TMEM178A: variants seen among roughly 807,000 people sequenced by gnomAD.
The protein encoded by TMEM178A is transmembrane protein 178.
A neutral mutation model predicts 29.1 loss-of-function variants in TMEM178A; 12 were observed. The ratio of observed to expected loss-of-function variants is 0.41; its 90% confidence interval spans 0.26 to 0.67. The LOEUF is 0.67. Ranked by LOEUF, TMEM178A falls within the 30% of genes least tolerant of loss-of-function variation. The probability of loss-of-function intolerance (pLI) is 0.29; values close to 1 mark genes in which losing one functional copy is unlikely to be tolerated. For synonymous variants in TMEM178A, 210 were observed against 187.2 expected, an observed-to-expected ratio of 1.12 and a Z score of -0.99; for missense variants, 366 against 419.1, an observed-to-expected ratio of 0.87 and a Z score of 1.11.
chr2:39,694,748 T>C lies in TMEM178A; in HGVS notation c.401-9333T>C, dbSNP rs1248073901. Among the ~76,000 whole-genome samples, 4 of 152,358 alleles carry C rather than the reference T, an allele frequency of 2.6e-5. No individual in the cohort carries two copies. The East Asian group carries it at 7.7e-4, about 29-fold the overall frequency. ...CAACTTTCAAAGTATTGATTGCATG[T>C]TAAATTTAAAAATACTAAAATTAAT... On this transcript the variant is annotated intron_variant, in intron 1 of 3. Transcript: ENST00000281961.
intron 2 of TMEM178A, among the ~76,000 whole-genome samples, chr2:39,706,220 T>G (rs924054599): frequency 4.6e-5 from 7 of 152,026 alleles, no homozygotes; most frequent in African/African-American, 1.7e-4. Flanking sequence ...ACAGTTGTGT[T>G]TTTGCAATAG....
chr2:39,675,049 A>C (rs1183148726), intron 1 of TMEM178A, among the ~76,000 whole-genome samples: 1 of 152,216 alleles, frequency 6.6e-6, no homozygotes, highest in East Asian at 1.9e-4. Context: ...AACTGCCTTC[A>C]TTTCTCTCTC....
intron 3 of TMEM178A, among the ~76,000 whole-genome samples, chr2:39,708,354 T>C (rs1293498814): frequency 6.6e-6 from 1 of 151,352 alleles, no homozygotes; most frequent in African/African-American, 2.4e-5. Context: ...GAGCTTGGAT[T>C]TGAAGCTAAG....
intron 1 of TMEM178A, among the ~76,000 whole-genome samples, chr2:39,682,028 C>T (rs1376604763): frequency 1.3e-5 from 2 of 152,170 alleles, no homozygotes; most frequent in Non-Finnish European, 2.9e-5. Flanking sequence ...CTTCTCTAGA[C>T]CTCAGTTTCT....
chr2:39,703,517 T>G (rs1383477243), intron 1 of TMEM178A, among the ~76,000 whole-genome samples: 1 of 152,224 alleles, frequency 6.6e-6, no homozygotes, highest in African/African-American at 2.4e-5. Flanking sequence ...TTACCCTTTT[T>G]TCTCGAGATC....
At chr2:39,721,620 TAA>T (rs1169880763), downstream of TMEM178A, among the ~76,000 whole-genome samples, 2 of 152,052 alleles carry the variant, frequency 1.3e-5, no homozygotes, top group Non-Finnish European at 2.9e-5. Flanking sequence ...CTGGTCACAG[TAA>T]AGAGTTTGGG....
intron 1 of TMEM178A, among the ~76,000 whole-genome samples, chr2:39,697,275 A>G (rs1671584424): frequency 2.0e-5 from 3 of 152,286 alleles, no homozygotes; most frequent in South Asian, 2.1e-4. Flanking sequence ...CATTTTGTCA[A>G]TTTAATGTGT....
At chr2:39,677,182 A>G (rs1345434315) in intron 1 of TMEM178A, among the ~76,000 whole-genome samples, 1 of 152,118 alleles carries the variant, frequency 6.6e-6, no homozygotes, top group Non-Finnish European at 1.5e-5. Flanking sequence ...CTGGATGTTC[A>G]GTGCCTCCCA....
chr2:39,725,959 C>G, the TMEM178A span, among the ~76,000 whole-genome samples: 1 of 152,110 alleles, frequency 6.6e-6, no homozygotes, highest in African/African-American at 2.4e-5. Context: ...TTTGATTTGT[C>G]ACATCTCTAT....
At chr2:39,692,494 C>T (rs1329526501) in intron 1 of TMEM178A, among the ~76,000 whole-genome samples, 4 of 151,910 alleles carry the variant, frequency 2.6e-5, no homozygotes, top group African/African-American at 9.7e-5. Flanking sequence ...GTGTATTTTA[C>T]CACAATAAGA....
chr2:39,692,346 T>C (rs962659505), intron 1 of TMEM178A, among the ~76,000 whole-genome samples: 11 of 152,182 alleles, frequency 7.2e-5, no homozygotes, highest in African/African-American at 2.7e-4. Context: ...CCACAAAGGG[T>C]AACTATGTGG....
At chr2:39,667,880 A>G (rs1670239118) in intron 1 of TMEM178A, among the ~76,000 whole-genome samples, 1 of 152,238 alleles carries the variant, frequency 6.6e-6, no homozygotes, top group Admixed American at 6.5e-5. Context: ...AGCATAGTAC[A>G]TGAACAAACT....
At position 39,666,050 on chromosome 2, in the gene TMEM178A, A is replaced by G. The variant is rs763761859; in HGVS notation, c.76A>G (p.Ile26Val). 11 of 1,562,576 alleles carry G rather than the reference A, an allele frequency of 7.0e-6. No individual in the cohort carries two copies. Among genetic ancestry groups the G allele is most frequent in the African/African-American group, 4.3e-5 (3 of 70,434 alleles). Residue 26 changes from isoleucine to valine, a missense_variant, in exon 1 of 4, where the codon ATC becomes GTC. Ile to Val is a conservative substitution (Grantham distance 29, BLOSUM62 3). Transcript: ENST00000281961. ...LCSLGLLVTA[I>V]FTDHWYETDP... ...CTCCCTGGGGCTGCTCGTCACGGCCATCTTCACCGACCACTGGTACGAGAC... is the reference window on the plus strand; with the variant it reads ...CTCCCTGGGGCTGCTCGTCACGGCCGTCTTCACCGACCACTGGTACGAGAC...
In TMEM178A at chr2:39,685,143, A is replaced by G. The variant is rs74946061; in HGVS notation, c.400+18769A>G. 5.0e-3 allele frequency among the ~76,000 whole-genome samples: 757 copies of G among 152,216 alleles called. 8 individuals are homozygous for G. The highest frequency in any genetic ancestry group is 0.016 in the African/African-American group (669 of 41,532). On this transcript the variant is annotated intron_variant, in intron 1 of 3. Transcript: ENST00000281961. ...ACTTCCATTGGGGTTCCCAATAGAG[A>G]GCAAGTCTCAGCCCAGCCTTCATTC...
chr2:39,715,924 G>C (rs1394888565), intron 3 of TMEM178A, among the ~76,000 whole-genome samples: 1 of 152,200 alleles, frequency 6.6e-6, no homozygotes, highest in East Asian at 1.9e-4. Context: ...ATGGGTTGGA[G>C]AGGTAATCTG....
At chr2:39,729,473 C>G in the TMEM178A span, among the ~76,000 whole-genome samples, 52 of 152,302 alleles carry the variant, frequency 3.4e-4, no homozygotes, top group African/African-American at 1.1e-3. Context: ...TTGGAAAATA[C>G]GATAATTCAC....
At chr2:39,730,652 C>T in the TMEM178A span, among the ~76,000 whole-genome samples, 2 of 152,134 alleles carry the variant, frequency 1.3e-5, no homozygotes, top group Admixed American at 6.5e-5. Context: ...CTGATCTTTC[C>T]ATGAGATGGA....
At chr2:39,669,642 A>G (rs1670326921) in intron 1 of TMEM178A, among the ~76,000 whole-genome samples, 1 of 152,214 alleles carries the variant, frequency 6.6e-6, no homozygotes, top group Non-Finnish European at 1.5e-5. Flanking sequence ...AAAGTTATTG[A>G]TACGCTCATT....
At chr2:39,701,726 A>G (rs901722002) in intron 1 of TMEM178A, among the ~76,000 whole-genome samples, 1 of 151,716 alleles carries the variant, frequency 6.6e-6, no homozygotes, top group African/African-American at 2.4e-5. Context: ...TTTTTAAATC[A>G]TCCTTTGTTC....
Sources: gnomAD v4.1 joint callset for allele counts (sites outside exome capture counted in the v4.1 genomes callset) on GRCh38, gnomAD v4.1.1 for gene constraint, MANE v1.5 for transcripts, NCBI Gene and HGNC (gene_info 2026-07-23, HGNC 2026-07-21) for gene names.